ALK: variants seen among roughly 807,000 people sequenced by gnomAD.
ALK encodes the protein ALK receptor tyrosine kinase, also known as ALK tyrosine kinase receptor.
ALK carries 74 observed loss-of-function variants against 163.1 expected under a neutral mutation model. The observed-to-expected ratio is 0.45, with a 90% confidence interval of 0.38 to 0.55. ALK has a LOEUF of 0.55. ALK is among the 20% of genes least tolerant of loss of function. ALK has a pLI of 0.00. For synonymous variants in ALK, 960 were observed against 843.2 expected, an observed-to-expected ratio of 1.14 and a Z score of -2.40; for missense variants, 2,063 against 2,105.3, an observed-to-expected ratio of 0.98 and a Z score of 0.39.
intron 23 of ALK, among the ~76,000 whole-genome samples, chr2:29,214,643 C>T (rs2924371): frequency 0.93 from 141,501 of 152,274 alleles, 66,593 homozygotes; most frequent in Non-Finnish European, 1. Context: ...CAAGCTTTTC[C>T]GCATGAGGTC....
At chr2:29,824,170 A>G (rs1420453180) in intron 1 of ALK, among the ~76,000 whole-genome samples, 2 of 152,256 alleles carry the variant, frequency 1.3e-5, no homozygotes, top group Admixed American at 1.3e-4. Flanking sequence ...GCAGGTACAC[A>G]GAAGTCAAGA....
chr2:29,336,717 T>C lies in ALK; in HGVS notation c.1283-8236A>G, dbSNP rs1667625283. Among the ~76,000 whole-genome samples, 3 of 152,378 alleles carry C rather than the reference T, an allele frequency of 2.0e-5. No individual in the cohort carries two copies. The South Asian group carries it at 6.2e-4, about 32-fold the overall frequency. On this transcript the variant is annotated intron_variant, in intron 5 of 28. Transcript: ENST00000389048. Reference sequence around the variant, plus strand: ...TGCTACAAAACCTACACAACTCTCCTAACGCAAATTTCTTTTTTTAAACGA... The same window carrying C: ...TGCTACAAAACCTACACAACTCTCCCAACGCAAATTTCTTTTTTTAAACGA...
chr2:29,631,161 T>C (rs1676360733), intron 3 of ALK, among the ~76,000 whole-genome samples: 1 of 152,240 alleles, frequency 6.6e-6, no homozygotes, highest in Non-Finnish European at 1.5e-5. Flanking sequence ...ATTCATTATG[T>C]CATAGATATC....
chr2:29,316,974 C>T (rs564955393), intron 8 of ALK, among the ~76,000 whole-genome samples: 1 of 152,250 alleles, frequency 6.6e-6, no homozygotes, highest in African/African-American at 2.4e-5. Flanking sequence ...CCAAGTGGAG[C>T]CTTGGTTTTA....
intron 1 of ALK, among the ~76,000 whole-genome samples, chr2:29,876,660 G>GTC (rs1666724434): frequency 6.7e-6 from 1 of 149,530 alleles, no homozygotes; most frequent in Non-Finnish European, 1.5e-5. Context: ...TGACGGCGAT[G>GTC]GTGGTGATGA....
chr2:29,696,109 C>T (rs575311390), intron 2 of ALK, among the ~76,000 whole-genome samples: 18 of 152,218 alleles, frequency 1.2e-4, no homozygotes, highest in South Asian at 6.2e-4. Flanking sequence ...GCACTGTTCA[C>T]GATAGCAAAG....
At chr2:29,832,509 CACACTAGG>C (rs1296563871) in intron 1 of ALK, among the ~76,000 whole-genome samples, 1 of 152,206 alleles carries the variant, frequency 6.6e-6, no homozygotes, top group African/African-American at 2.4e-5. Context: ...AGTGTGTGTG[CACACTAGG>C]GCTACACGAA....
At chr2:29,394,049 T>C (rs1669243556) in intron 4 of ALK, among the ~76,000 whole-genome samples, 1 of 152,316 alleles carries the variant, frequency 6.6e-6, no homozygotes, top group African/African-American at 2.4e-5. Flanking sequence ...ATGTAATTTA[T>C]GAGAAAGACA....
At chr2:29,639,901 T>C (rs1303401779) in intron 3 of ALK, among the ~76,000 whole-genome samples, 2 of 152,214 alleles carry the variant, frequency 1.3e-5, no homozygotes, top group Non-Finnish European at 2.9e-5. Context: ...TTCATCCACA[T>C]ATCCTCCCAG....
Position 29,209,881 on chromosome 2 carries a change from G to A in ALK, c.3744-3C>T. 1.2e-6 allele frequency: 2 copies of A among 1,613,290 alleles called. No individual in the cohort carries two copies. The highest frequency in any genetic ancestry group is 1.7e-6 in the Non-Finnish European group (2 of 1,179,272). On this transcript the variant is annotated splice_region_variant and splice_polypyrimidine_tract_variant and intron_variant, in intron 24 of 28. Coordinates refer to ENST00000389048, the MANE Select transcript of ALK (RefSeq NM_004304.5). ...GGCAGTTTCTGGCAGCAATGTCTCT[G>A]GGAAGAAAGGAAATGCATTTCCTAA...
intron 4 of ALK, among the ~76,000 whole-genome samples, chr2:29,480,035 A>G (rs1671624928): frequency 6.6e-6 from 1 of 152,240 alleles, no homozygotes; most frequent in Non-Finnish European, 1.5e-5. Flanking sequence ...ACTAAACAGC[A>G]GCTTTAAAAA....
chr2:29,444,868 G>T (rs1670633475), intron 4 of ALK, among the ~76,000 whole-genome samples: 1 of 152,106 alleles, frequency 6.6e-6, no homozygotes. Flanking sequence ...CTGACTCCTT[G>T]GTCCTGCCCA....
Position 29,193,776 on chromosome 2 carries a change from G to T in ALK, c.4311C>A (p.Ser1437Arg), listed in dbSNP as rs1173440684. The T allele has an allele frequency of 6.3e-7, 1 of 1,593,928 alleles. No individual in the cohort carries two copies. The highest frequency in any genetic ancestry group is 8.6e-7 in the Non-Finnish European group (1 of 1,169,496). The change falls in exon 29 of 29, where the codon AGC (serine) becomes AGA (arginine). Residue 1437 changes from serine (S) to arginine (R), a missense_variant. Transcript: ENST00000389048. ...TAGGCAGAGGTGGTGGGGCAGCTGG[G>T]CTGCGCTCCTCCTCCCGTTTTGCCT... Reference protein sequence around the residue: ...SQQAKREEERSPAAPPPLPTT... With the variant: ...SQQAKREEERRPAAPPPLPTT...
intron 26 of ALK, among the ~76,000 whole-genome samples, chr2:29,199,908 C>A (rs1669115553): frequency 6.6e-6 from 1 of 152,144 alleles, no homozygotes; most frequent in Non-Finnish European, 1.5e-5. Flanking sequence ...CCTTCATCTT[C>A]TAAGAAACAT....
chr2:29,614,416 T>G (rs1573500049), intron 3 of ALK, among the ~76,000 whole-genome samples: 1 of 152,322 alleles, frequency 6.6e-6, no homozygotes, highest in Non-Finnish European at 1.5e-5. Flanking sequence ...CTGCGGTTAG[T>G]TCCTTTCACT....
At chr2:29,848,509 C>T (rs931259708) in intron 1 of ALK, among the ~76,000 whole-genome samples, 1 of 152,208 alleles carries the variant, frequency 6.6e-6, no homozygotes, top group African/African-American at 2.4e-5. Context: ...AGTGTTTCTG[C>T]TAGCCTGCAG....
At chr2:29,607,826 G>A (rs940341437) in intron 3 of ALK, among the ~76,000 whole-genome samples, 6 of 151,038 alleles carry the variant, frequency 4.0e-5, no homozygotes, top group Admixed American at 1.3e-4. Flanking sequence ...ATCCTGTCTC[G>A]TGGCTTTAAT....
chr2:29,392,571 G>T (rs1035677476), intron 4 of ALK, among the ~76,000 whole-genome samples: 1 of 152,110 alleles, frequency 6.6e-6, no homozygotes, highest in Non-Finnish European at 1.5e-5. Context: ...GAATATGCAG[G>T]CTTGTTGGGG....
At chr2:29,574,526 A>G (rs549376278) in intron 3 of ALK, among the ~76,000 whole-genome samples, 1 of 152,332 alleles carries the variant, frequency 6.6e-6, no homozygotes, top group Admixed American at 6.5e-5. Context: ...AAACCGTTGA[A>G]ATGTCTGAGA....
Sources: allele counts gnomAD v4.1 joint callset (sites outside exome capture counted in the v4.1 genomes callset), GRCh38; gene constraint gnomAD v4.1.1; transcripts MANE v1.5; gene names NCBI Gene and HGNC (gene_info 2026-07-23, HGNC 2026-07-21).